Variants in FRMD4B observed in about 807,000 individuals in gnomAD.
The protein encoded by FRMD4B is FERM domain containing 4B.
FRMD4B carries 74 observed loss-of-function variants against 141.5 expected under a neutral mutation model. That is an observed-to-expected ratio of 0.52 (90% CI 0.43 to 0.63). FRMD4B has a LOEUF of 0.63. FRMD4B is among the 30% of genes least tolerant of loss of function. FRMD4B has a pLI of 0.00. For missense variants in FRMD4B, 1,366 were observed against 1,253.4 expected (o/e 1.09, Z -1.36); for synonymous variants, 506 against 467.9 (o/e 1.08, Z -1.05).
At position 69,171,622 on chromosome 3, in the gene FRMD4B, A is replaced by G. The variant is rs142730108; in HGVS notation, c.*239T>C. 7 of 421,644 alleles carry G rather than the reference A, an allele frequency of 1.7e-5. No homozygotes were observed. The East Asian group carries it at 2.6e-4, about 15-fold the overall frequency. The allele number at this position is 421,644 out of a possible 1,614,324, so 26.1% of individuals were successfully genotyped here. On this transcript the variant is annotated 3_prime_UTR_variant, in exon 23 of 23. Transcript: ENST00000398540. ...AGTCCTCTCTTGGCAATACTTCAAC[A>G]TGTGGGCAGACCCTACAGTTACGTT...
chr3:69,518,121 G>C (rs1220363794), intron 1 of FRMD4B, among the ~76,000 whole-genome samples: 15 of 152,118 alleles, frequency 9.9e-5, no homozygotes, highest in Admixed American at 9.2e-4. Context: ...GCAAATAGGA[G>C]ACTTTTGGGG....
chr3:69,180,853 G>C (rs750160825), intron 21 of FRMD4B, 46 bp downstream of exon 21: 1 of 1,355,332 alleles, frequency 7.4e-7, no homozygotes, highest in Admixed American at 1.9e-5. Flanking sequence ...CAGGAAACAC[G>C]ATGTAAATAA....
chr3:69,307,673 C>T (rs371413326), intron 3 of FRMD4B, among the ~76,000 whole-genome samples: 7 of 152,140 alleles, frequency 4.6e-5, no homozygotes, highest in African/African-American at 1.7e-4. Context: ...GAAGGTCTTA[C>T]AGTCTGAACC....
At chr3:69,284,392 G>T (rs781121865) in intron 5 of FRMD4B, among the ~76,000 whole-genome samples, 1 of 152,114 alleles carries the variant, frequency 6.6e-6, no homozygotes, top group Non-Finnish European at 1.5e-5. Flanking sequence ...GCTGGAGGTG[G>T]TGCCTATTCC....
Position 69,303,130 on chromosome 3 carries a change from T to C in FRMD4B, c.324-695A>G, listed in dbSNP as rs113781578. On this transcript the variant is annotated intron_variant, in intron 3 of 22. Transcript: ENST00000398540. The stretch of plus-strand genomic sequence containing the variant: ...CCCAAAACAAACAAACAAAAAAAAC[T>C]ATAGAGTGAAATACAATGCAGCCAT... 8.5e-3 allele frequency among the ~76,000 whole-genome samples: 777 copies of C among 91,492 alleles called. 6 individuals carry two copies. The highest frequency in any genetic ancestry group is 0.021 in the African/African-American group (741 of 35,194). 60.0% of individuals were successfully genotyped at this position (91,492 alleles called of 152,430 possible).
chr3:69,263,181 C>T (rs1287617924), intron 5 of FRMD4B, among the ~76,000 whole-genome samples: 1 of 151,992 alleles, frequency 6.6e-6, no homozygotes, highest in Non-Finnish European at 1.5e-5. Flanking sequence ...TGCTTGAACC[C>T]GGGAGGTGGA....
At position 69,185,618 on chromosome 3, in the gene FRMD4B, G is replaced by T. The variant is rs559957236; in HGVS notation, c.1919+2152C>A. On this transcript the variant is annotated intron_variant, in intron 19 of 22. Transcript: ENST00000398540. Reference sequence around the variant, plus strand: ...TGATGAACCCAAAGAAGTTATTCATGGTCCCTGGCCCTCAGTGTGCTTATC... The same window carrying T: ...TGATGAACCCAAAGAAGTTATTCATTGTCCCTGGCCCTCAGTGTGCTTATC... Among the ~76,000 whole-genome samples, 5 of 152,250 alleles carry T rather than the reference G, an allele frequency of 3.3e-5. No individual in the cohort carries two copies. In the East Asian group the frequency reaches 7.7e-4, roughly 23 times the overall value.
chr3:69,507,291 TTC>T (rs1282375039), intron 1 of FRMD4B, among the ~76,000 whole-genome samples: 4 of 152,212 alleles, frequency 2.6e-5, no homozygotes, highest in Non-Finnish European at 5.9e-5. Context: ...GCCTCTAAAA[TTC>T]TCTCTTAAGA....
At position 69,494,379 on chromosome 3, in the gene FRMD4B, T is replaced by C. The variant is rs547061311; in HGVS notation, c.-129+47827A>G. Reference sequence around the variant, plus strand: ...AAATAGCAAGTTTTATGAATACTAATAAAGCATGACTAGTAATCTAAGCAA... The same window carrying C: ...AAATAGCAAGTTTTATGAATACTAACAAAGCATGACTAGTAATCTAAGCAA... On this transcript the variant is annotated intron_variant, in intron 1 of 5. Coordinates refer to the FRMD4B transcript ENST00000459638. 2.0e-5 allele frequency among the ~76,000 whole-genome samples: 3 copies of C among 152,310 alleles called. 1 individual carries two copies. Among genetic ancestry groups the C allele is most frequent in the African/African-American group, 4.8e-5 (2 of 41,572 alleles).
At chr3:69,407,578 G>A (rs1038769912) in intron 2 of FRMD4B, among the ~76,000 whole-genome samples, 1 of 152,192 alleles carries the variant, frequency 6.6e-6, no homozygotes, top group Non-Finnish European at 1.5e-5. Flanking sequence ...ATGTTCAGGG[G>A]TTACTTATTA....
rs1704402527 is a variant in FRMD4B at position 69,392,566 on chromosome 3, A to G, written c.-1+40068T>C. On this transcript the variant is annotated intron_variant, in intron 2 of 5. Coordinates refer to the FRMD4B transcript ENST00000459638. Reference sequence around the variant, plus strand: ...GGCTGCTGTAGAGTTCTAGGGTACAAAGAAAGAGCTTGAGGCAGGGCTGTG... The same window carrying G: ...GGCTGCTGTAGAGTTCTAGGGTACAGAGAAAGAGCTTGAGGCAGGGCTGTG... Among the ~76,000 whole-genome samples the G allele has an allele frequency of 2.0e-5, 3 of 152,196 alleles. No individual in the cohort carries two copies. In the South Asian group the frequency reaches 6.2e-4, roughly 32 times the overall value.
intron 1 of FRMD4B, among the ~76,000 whole-genome samples, chr3:69,314,958 G>C (rs1457444169): frequency 6.6e-6 from 1 of 152,194 alleles, no homozygotes; most frequent in East Asian, 1.9e-4. Context: ...GAGGCCAGGA[G>C]TTCAAGACGG....
Position 69,181,492 on chromosome 3 carries a change from G to A in FRMD4B, c.2258C>T (p.Thr753Ile). 6.2e-7 allele frequency: 1 copy of A among 1,613,894 alleles called. No individual in the cohort carries two copies. The highest frequency in any genetic ancestry group is 8.5e-7 in the Non-Finnish European group (1 of 1,179,802). Residue 753 changes from threonine to isoleucine, a missense_variant, in exon 21 of 23, where the codon ACC (threonine) becomes ATC (isoleucine). Coordinates refer to ENST00000398540, the MANE Select transcript of FRMD4B (RefSeq NM_015123.3). ...CCTGGTGCGAGTGTCCAGGGTCTGG[G>A]TGGTGTAATAGGGGCCGGTAACTGG... The part of the protein sequence containing the change: ...VTPVTGPYYT[T>I]QTLDTRTRGR...
intron 2 of FRMD4B, among the ~76,000 whole-genome samples, chr3:69,411,121 C>T (rs972390174): frequency 2.0e-5 from 3 of 151,858 alleles, no homozygotes; most frequent in Non-Finnish European, 4.4e-5. Context: ...CCAGTGGTGC[C>T]AAAACTCTGA....
At chr3:69,480,182 C>T (rs796304789) in intron 1 of FRMD4B, among the ~76,000 whole-genome samples, 4 of 152,174 alleles carry the variant, frequency 2.6e-5, no homozygotes, top group East Asian at 1.9e-4. Context: ...GTAGTTTGAT[C>T]GTCTGAAGCC....
intron 7 of FRMD4B, among the ~76,000 whole-genome samples, chr3:69,235,047 G>C (rs979585907): frequency 3.3e-5 from 5 of 151,724 alleles, no homozygotes; most frequent in Non-Finnish European, 7.4e-5. Flanking sequence ...CTACTCAGGA[G>C]GCTGAGGCAG....
intron 1 of FRMD4B, among the ~76,000 whole-genome samples, chr3:69,530,235 A>G (rs1324630649): frequency 2.6e-5 from 4 of 152,352 alleles, no homozygotes. Flanking sequence ...CAAATCTTAT[A>G]TTGAAATTTA....
At chr3:69,245,581 G>A (rs116245553) in intron 7 of FRMD4B, among the ~76,000 whole-genome samples, 3,463 of 151,970 alleles carry the variant, frequency 0.023, 126 homozygotes, top group African/African-American at 0.08. Flanking sequence ...TCCTGGCCTC[G>A]AGTGATCCGC....
chr3:69,459,022 T>A (rs1000405673), intron 1 of FRMD4B, among the ~76,000 whole-genome samples: 2 of 152,146 alleles, frequency 1.3e-5, no homozygotes, highest in Admixed American at 1.3e-4. Context: ...AGGGCACACA[T>A]GCTTCCTGAG....
Sources: gnomAD v4.1 joint callset for allele counts (sites outside exome capture counted in the v4.1 genomes callset) on GRCh38, gnomAD v4.1.1 for gene constraint, MANE v1.5 for transcripts, NCBI Gene and HGNC (gene_info 2026-07-23, HGNC 2026-07-21) for gene names.